HS2ST1: variants seen among roughly 807,000 people sequenced by gnomAD.
The protein encoded by HS2ST1 is 2-O-sulfotransferase.
HS2ST1 carries 18 observed loss-of-function variants against 42.9 expected under a neutral mutation model. The ratio of observed to expected loss-of-function variants is 0.42; its 90% CI spans 0.29 to 0.62. The LOEUF is 0.62. HS2ST1 is among the 20% of genes least tolerant of loss of function. The pLI is 0.21. For missense variants in HS2ST1, 334 were observed against 433.8 expected, an observed-to-expected ratio of 0.77 and a Z score of 2.04; for synonymous variants, 146 against 152.9, an observed-to-expected ratio of 0.95 and a Z score of 0.33.
chr1:87,087,194 T>G (rs1260829703), intron 3 of HS2ST1, among the ~76,000 whole-genome samples: 2 of 152,114 alleles, frequency 1.3e-5, no homozygotes, highest in Admixed American at 1.3e-4. Flanking sequence ...TTTAGAAAAT[T>G]AAAATGTTAG....
intron 1 of HS2ST1, among the ~76,000 whole-genome samples, chr1:86,954,677 C>T (rs1231942523): frequency 6.6e-6 from 1 of 152,050 alleles, no homozygotes; most frequent in Non-Finnish European, 1.5e-5. Context: ...TGTTTTGTTC[C>T]ACTTTCTTCT....
rs1213302653 is a variant in HS2ST1, at chr1:87,088,198, A to T, written c.449+3919A>T. Among the ~76,000 whole-genome samples the T allele has an allele frequency of 7.2e-5, 11 of 152,138 alleles. No homozygotes were observed. In the East Asian group the frequency reaches 2.1e-3, roughly 29 times the overall value. ...TTTCCAACTCTTAATTGGGCATTGT[A>T]TAAGACTCTTAGCCTCCATTATTCT... On this transcript the variant is annotated intron_variant, in intron 3 of 6. Coordinates refer to ENST00000370550, the MANE Select transcript of HS2ST1 (RefSeq NM_012262.4).
At position 86,960,036 on chromosome 1, in the gene HS2ST1, T is replaced by C. The variant is rs114965204; in HGVS notation, c.124+44876T>C. Among the ~76,000 whole-genome samples, 712 of 152,266 alleles carry C rather than the reference T, an allele frequency of 4.7e-3. 5 individuals carry two copies. The highest frequency in any genetic ancestry group is 0.016 in the African/African-American group (666 of 41,554). Reference sequence around the variant, plus strand: ...TGACACTATTGTACTTAAAGACTTATGAAGCCACAGTAATCAAGACATTGT... The same window carrying C: ...TGACACTATTGTACTTAAAGACTTACGAAGCCACAGTAATCAAGACATTGT... On this transcript the variant is annotated intron_variant, in intron 1 of 6. Coordinates refer to ENST00000370550, the MANE Select transcript of HS2ST1 (RefSeq NM_012262.4).
intron 1 of HS2ST1, among the ~76,000 whole-genome samples, chr1:87,044,755 C>G (rs569047933): frequency 6.6e-6 from 1 of 152,330 alleles, no homozygotes; most frequent in South Asian, 2.1e-4. Flanking sequence ...TTCAGTATAG[C>G]ATACTGCAGT....
intron 1 of HS2ST1, among the ~76,000 whole-genome samples, chr1:86,989,214 T>A (rs1293416170): frequency 6.6e-6 from 1 of 152,194 alleles, no homozygotes; most frequent in Non-Finnish European, 1.5e-5. Flanking sequence ...TTAGCTATGG[T>A]TTTTTAACTA....
intron 1 of HS2ST1, among the ~76,000 whole-genome samples, chr1:87,043,010 A>G (rs745625547): frequency 2.0e-5 from 3 of 152,136 alleles, no homozygotes; most frequent in South Asian, 2.1e-4. Context: ...CCATGCTATT[A>G]TTCTTCCTTT....
chr1:87,098,480 C>T (rs994151819), intron 5 of HS2ST1: 31 of 480,586 alleles, frequency 6.5e-5, no homozygotes, highest in African/African-American at 3.8e-4. Flanking sequence ...AATAATTTTA[C>T]GTATTTATTT....
intron 1 of HS2ST1, among the ~76,000 whole-genome samples, chr1:86,968,347 G>C (rs143000775): frequency 6.6e-5 from 10 of 152,012 alleles, no homozygotes; most frequent in Non-Finnish European, 1.5e-4. Flanking sequence ...GCATATATAT[G>C]TATTTGGTAA....
chr1:87,068,095 C>T (rs1651300760), intron 1 of HS2ST1, among the ~76,000 whole-genome samples: 1 of 152,040 alleles, frequency 6.6e-6, no homozygotes, highest in Non-Finnish European at 1.5e-5. Context: ...TTTTCCAATT[C>T]TGTGAAGAAA....
chr1:86,972,942 A>G (rs556871369), intron 1 of HS2ST1, among the ~76,000 whole-genome samples: 25 of 152,336 alleles, frequency 1.6e-4, no homozygotes, highest in African/African-American at 5.3e-4. Context: ...AGTTTGTACA[A>G]TGTGCTCTCA....
chr1:87,030,628 C>T (rs1650210848), intron 1 of HS2ST1, among the ~76,000 whole-genome samples: 1 of 152,072 alleles, frequency 6.6e-6, no homozygotes. Flanking sequence ...ATATTTCTTT[C>T]CAGATTTTTT....
chr1:86,936,779 T>A (rs1660662947), intron 1 of HS2ST1, among the ~76,000 whole-genome samples: 1 of 152,030 alleles, frequency 6.6e-6, no homozygotes, highest in South Asian at 2.1e-4. Context: ...CAGCATACGT[T>A]TATTCCATGG....
chr1:87,039,734 G>A (rs1171195672), intron 1 of HS2ST1, among the ~76,000 whole-genome samples: 2 of 152,150 alleles, frequency 1.3e-5, no homozygotes, highest in Non-Finnish European at 2.9e-5. Context: ...TCCTCACAGA[G>A]CTTCAGTTGC....
intron 1 of HS2ST1, among the ~76,000 whole-genome samples, chr1:87,033,759 G>T (rs1350390677): frequency 6.6e-6 from 1 of 152,130 alleles, no homozygotes; most frequent in African/African-American, 2.4e-5. Context: ...GGCCAGACTG[G>T]TCTCAAACTC....
At chr1:87,048,221 A>T (rs555830187) in intron 1 of HS2ST1, among the ~76,000 whole-genome samples, 2 of 152,316 alleles carry the variant, frequency 1.3e-5, no homozygotes, top group African/African-American at 4.8e-5. Context: ...TTAGTAATAT[A>T]CAATTGATTT....
chr1:87,010,246 A>G (rs918875849), intron 1 of HS2ST1, among the ~76,000 whole-genome samples: 1 of 152,146 alleles, frequency 6.6e-6, no homozygotes, highest in East Asian at 1.9e-4. Context: ...ATATCTCCCA[A>G]CTGCACCAAC....
chr1:87,047,949 A>G (rs1650729096), intron 1 of HS2ST1, among the ~76,000 whole-genome samples: 1 of 152,134 alleles, frequency 6.6e-6, no homozygotes, highest in Admixed American at 6.5e-5. Context: ...TTTCCATATT[A>G]GTTGGTCAAT....
intron 1 of HS2ST1, among the ~76,000 whole-genome samples, chr1:86,946,344 T>C (rs1428191374): frequency 3.3e-5 from 5 of 152,182 alleles, no homozygotes; most frequent in Non-Finnish European, 5.9e-5. Context: ...ATAAGGCAAA[T>C]GAAGCACTTT....
intron 2 of HS2ST1, among the ~76,000 whole-genome samples, chr1:87,074,796 T>G (rs554627727): frequency 3.7e-4 from 56 of 152,278 alleles, no homozygotes; most frequent in African/African-American, 1.3e-3. Context: ...CGCAGAAGAA[T>G]AGTCTTAATC....
Sources: gnomAD v4.1 joint callset for allele counts (sites outside exome capture counted in the v4.1 genomes callset) on GRCh38, gnomAD v4.1.1 for gene constraint, MANE v1.5 for transcripts, NCBI Gene and HGNC (gene_info 2026-07-23, HGNC 2026-07-21) for gene names.